Variants in NUP205 observed in about 807,000 individuals in gnomAD.
NUP205 encodes nuclear pore complex protein Nup205.
Under a neutral mutation model 253.8 loss-of-function variants are expected in NUP205, and 76 were observed. The ratio of observed to expected loss-of-function variants is 0.30; its 90% CI spans 0.25 to 0.36. The LOEUF (loss-of-function observed/expected upper bound fraction) is 0.36, where lower values mean the gene tolerates loss of function less well. Among genes scored for constraint, NUP205 ranks in the 10% least tolerant of loss-of-function variants. The probability of loss-of-function intolerance (pLI) is 1.00; values close to 1 mark genes in which losing one functional copy is unlikely to be tolerated. For synonymous variants in NUP205, 832 were observed against 850.1 expected (o/e 0.98, Z 0.37); for missense variants, 2,162 against 2,425.5 (o/e 0.89, Z 2.28).
chr7:135,637,304 T>A (rs1024560829), intron 36 of NUP205, among the ~76,000 whole-genome samples: 3 of 152,226 alleles, frequency 2.0e-5, no homozygotes, highest in African/African-American at 7.2e-5. Flanking sequence ...AACCCATGTC[T>A]CTAATTTGAA....
rs753529425 is a variant in NUP205 at position 135,578,764 on chromosome 7, A to G, written c.891A>G (p.Gln297=). ...TTGTGTTTTCAGATATGATTCATCAACTTCCACTGTTGACAGAAAAACAGT... is the reference window on the plus strand; with the variant it reads ...TTGTGTTTTCAGATATGATTCATCAGCTTCCACTGTTGACAGAAAAACAGT... ...STEERDDMIH[Q]LPLLTEKQYI... Residue 297 remains glutamine, a synonymous_variant, in exon 7 of 43, where the codon CAA becomes CAG. Coordinates refer to ENST00000285968, the MANE Select transcript of NUP205 (RefSeq NM_015135.3). 7 of 1,597,960 alleles carry G rather than the reference A, an allele frequency of 4.4e-6. No individual in the cohort carries two copies. In the South Asian group the frequency reaches 4.5e-5, roughly 10 times the overall value.
chr7:135,570,143 A>G (rs1001280637), intron 1 of NUP205, among the ~76,000 whole-genome samples: 1 of 151,316 alleles, frequency 6.6e-6, no homozygotes, highest in Non-Finnish European at 1.5e-5. Context: ...AGACATAGCT[A>G]ATGAAGTGGT....
chr7:135,618,089 G>T (rs1206566097), intron 27 of NUP205, among the ~76,000 whole-genome samples: 1 of 152,002 alleles, frequency 6.6e-6, no homozygotes, highest in African/African-American at 2.4e-5. Flanking sequence ...AGAGAAACAT[G>T]CCATTGAACT....
intron 33 of NUP205, among the ~76,000 whole-genome samples, chr7:135,626,601 A>G (rs571445235): frequency 6.6e-6 from 1 of 152,296 alleles, no homozygotes; most frequent in Non-Finnish European, 1.5e-5. Flanking sequence ...ATTATGTTCA[A>G]TTGAAATACT....
intron 36 of NUP205, among the ~76,000 whole-genome samples, chr7:135,636,875 G>A (rs1397588391): frequency 2.0e-5 from 3 of 152,098 alleles, no homozygotes; most frequent in African/African-American, 7.2e-5. Flanking sequence ...GTGTGGTGGT[G>A]CACGCCTGTA....
rs752354514 is a variant in NUP205, at chr7:135,606,905, A to G, written c.3060A>G (p.Leu1020=). 4.3e-6 allele frequency: 7 copies of G among 1,613,824 alleles called. No homozygotes were observed. In the African/African-American group the frequency reaches 6.7e-5, roughly 15 times the overall value. ...ELKKPVSTTN[L]QDPGVLGCPR... ...AAAAACCTGTCAGTACTACAAACCT[A>G]CAAGATCCAGGTATAGCCTAAGACA... Residue 1020 remains leucine (L), a synonymous_variant, in exon 21 of 43, where the codon CTA becomes CTG. Transcript: ENST00000285968.
At chr7:135,591,086 C>A (rs1806616870) in intron 10 of NUP205, among the ~76,000 whole-genome samples, 1 of 152,086 alleles carries the variant, frequency 6.6e-6, no homozygotes, top group African/African-American at 2.4e-5. Flanking sequence ...GGTCTAGATA[C>A]TAATTTGGCT....
chr7:135,586,981 G>A (rs1431507745), intron 8 of NUP205, among the ~76,000 whole-genome samples: 1 of 151,000 alleles, frequency 6.6e-6, no homozygotes, highest in Non-Finnish European at 1.5e-5. Context: ...CTGATTTTCT[G>A]TGTACTTGTT....
intron 7 of NUP205, among the ~76,000 whole-genome samples, chr7:135,583,426 T>G (rs917283129): frequency 3.3e-5 from 5 of 152,138 alleles, no homozygotes; most frequent in Non-Finnish European, 7.4e-5. Flanking sequence ...TAAGTTACTC[T>G]AGATCAAGCC....
intron 7 of NUP205, among the ~76,000 whole-genome samples, chr7:135,582,271 T>A (rs973380911): frequency 4.6e-5 from 7 of 152,144 alleles, no homozygotes; most frequent in African/African-American, 1.7e-4. Flanking sequence ...GGCAGCAGAG[T>A]AAGACTCTGT....
chr7:135,589,674 T>C (rs1806570575), intron 10 of NUP205, among the ~76,000 whole-genome samples: 1 of 151,422 alleles, frequency 6.6e-6, no homozygotes, highest in South Asian at 2.1e-4. Context: ...TTCACACCTG[T>C]AATACTTGCA....
chr7:135,617,149 C>A lies in NUP205; in HGVS notation c.3592C>A (p.Pro1198Thr). Residue 1198 changes from proline to threonine, a missense_variant, in exon 26 of 43, where the codon CCT (proline) becomes ACT (threonine). This residue lies in a region of NUP205 where 1,144 missense variants were observed against 1,280.9 expected (regional missense o/e 0.89). Transcript: ENST00000285968. Reference protein sequence around the residue: ...SIDFSQEIPEPLQLDFFDRAQ... With the variant: ...SIDFSQEIPETLQLDFFDRAQ... ...TGACTTCAGTCAGGAGATCCCTGAG[C>A]CTTTGCAGTTGGATTTTTTTGATCG... The A allele has an allele frequency of 6.2e-7, 1 of 1,613,610 alleles. No individual in the cohort carries two copies. Among genetic ancestry groups the A allele is most frequent in the South Asian group, 1.1e-5 (1 of 91,058 alleles).
At chr7:135,642,222 T>G (rs1794927082) in intron 38 of NUP205, among the ~76,000 whole-genome samples, 1 of 149,324 alleles carries the variant, frequency 6.7e-6, no homozygotes, top group Non-Finnish European at 1.5e-5. Flanking sequence ...ACCACTGTAC[T>G]CCAGGCTGGA....
intron 1 of NUP205, among the ~76,000 whole-genome samples, chr7:135,562,110 T>C (rs147213914): frequency 6.6e-6 from 1 of 152,248 alleles, no homozygotes; most frequent in African/African-American, 2.4e-5. Context: ...TCCTATTCCT[T>C]CACCCATTCT....
chr7:135,624,669 T>A (rs944979521), intron 31 of NUP205, among the ~76,000 whole-genome samples: 1 of 151,964 alleles, frequency 6.6e-6, no homozygotes, highest in African/African-American at 2.4e-5. Flanking sequence ...GAGCCACCGC[T>A]CCCGGCCTAA....
chr7:135,565,555 C>T (rs1189660980), intron 1 of NUP205, among the ~76,000 whole-genome samples: 1 of 151,866 alleles, frequency 6.6e-6, no homozygotes, highest in Non-Finnish European at 1.5e-5. Context: ...GCCTCAGCCT[C>T]CCGAGTAGCT....
intron 22 of NUP205, among the ~76,000 whole-genome samples, chr7:135,609,647 CAA>C (rs928689709): frequency 5.2e-5 from 7 of 133,952 alleles, no homozygotes; most frequent in African/African-American, 2.7e-5. Flanking sequence ...GACCCCATCT[CAA>C]AAAAAAAAAA....
Position 135,577,120 on chromosome 7 carries a change from C to G in NUP205, c.640C>G (p.Arg214Gly). 3 of 1,609,090 alleles carry G rather than the reference C, an allele frequency of 1.9e-6. No individual in the cohort carries two copies. The highest frequency in any genetic ancestry group is 2.5e-6 in the Non-Finnish European group (3 of 1,178,388). The change falls in exon 5 of 43, where the codon CGC (arginine) becomes GGC (glycine). Residue 214 changes from arginine (R) to glycine (G), a missense_variant. Arg to Gly is a moderately radical substitution (Grantham distance 125, BLOSUM62 -2). Coordinates refer to ENST00000285968, the MANE Select transcript of NUP205 (RefSeq NM_015135.3). ...GAGAGGTTTGGGCAGTGAAAAACAT[C>G]GCAAAGAGGCAAGGGTTCAATGAAA... The part of the protein sequence containing the change: ...RERGLGSEKH[R>G]KEVSDLIKEC...
chr7:135,589,172 TA>T (rs746919932), intron 10 of NUP205, among the ~76,000 whole-genome samples: 6,487 of 139,776 alleles, frequency 0.046, 311 homozygotes, highest in Middle Eastern at 0.064. Context: ...CCTGACTCTT[TA>T]AAAAAAAAAA....
Sources: allele counts gnomAD v4.1 joint callset (sites outside exome capture counted in the v4.1 genomes callset), GRCh38; gene constraint gnomAD v4.1.1; regional missense constraint gnomAD v4.1.1; transcripts MANE v1.5; gene names NCBI Gene and HGNC (gene_info 2026-07-23, HGNC 2026-07-21).